The following GRIA1 variants were observed in gnomAD, a reference collection of about 807,000 sequenced individuals.
GRIA1 encodes glutamate ionotropic receptor AMPA type subunit 1, also known as glutamate receptor 1.
Under a neutral mutation model 99.2 loss-of-function variants are expected in GRIA1, and 31 were observed. That is an observed-to-expected ratio of 0.31 (90% CI 0.23 to 0.42). The LOEUF (loss-of-function observed/expected upper bound fraction) is 0.42. Among genes scored for constraint, GRIA1 ranks in the 10% least tolerant of loss-of-function variants. The probability of loss-of-function intolerance (pLI) is 1.00; values close to 1 mark genes in which losing one functional copy is unlikely to be tolerated. For missense variants in GRIA1, 782 were observed against 1,157.5 expected (o/e 0.68, Z 4.71); for synonymous variants, 438 against 432.4 (o/e 1.01, Z -0.16).
At chr5:153,549,988 C>A (rs930700447) in intron 2 of GRIA1, among the ~76,000 whole-genome samples, 4 of 152,142 alleles carry the variant, frequency 2.6e-5, no homozygotes, top group African/African-American at 9.7e-5. Flanking sequence ...TGGATCATCT[C>A]TTTAATCTCT....
At chr5:153,754,475 C>A (rs1055654052) in intron 11 of GRIA1, among the ~76,000 whole-genome samples, 6 of 152,080 alleles carry the variant, frequency 3.9e-5, no homozygotes, top group Non-Finnish European at 7.4e-5. Flanking sequence ...ACAACAACAA[C>A]AAAAAGAAAA....
intron 2 of GRIA1, among the ~76,000 whole-genome samples, chr5:153,589,667 T>C (rs1216283866): frequency 6.6e-6 from 1 of 152,168 alleles, no homozygotes; most frequent in African/African-American, 2.4e-5. Flanking sequence ...TTACTGAGTA[T>C]TGCCAGAGGT....
chr5:153,532,538 G>A, intron 2 of GRIA1, among the ~76,000 whole-genome samples: 1 of 152,116 alleles, frequency 6.6e-6, no homozygotes, highest in East Asian at 1.9e-4. Flanking sequence ...CCATTTAGTT[G>A]GAACGTGTGC....
At chr5:153,762,029 G>T (rs1450110347) in intron 11 of GRIA1, among the ~76,000 whole-genome samples, 1 of 152,180 alleles carries the variant, frequency 6.6e-6, no homozygotes, top group Non-Finnish European at 1.5e-5. Context: ...AGGGGGAGGG[G>T]TGATGGGAAG....
intron 2 of GRIA1, among the ~76,000 whole-genome samples, chr5:153,596,509 G>A (rs1285805551): frequency 1.3e-5 from 2 of 152,162 alleles, no homozygotes; most frequent in Non-Finnish European, 2.9e-5. Flanking sequence ...TTTTGCAGAT[G>A]GGGAAATGGA....
intron 8 of GRIA1, among the ~76,000 whole-genome samples, chr5:153,696,575 G>A (rs1758120800): frequency 6.6e-6 from 1 of 152,352 alleles, no homozygotes; most frequent in South Asian, 2.1e-4. Context: ...GAGATTACAG[G>A]AAAAACTATT....
intron 2 of GRIA1, among the ~76,000 whole-genome samples, chr5:153,498,083 A>C (rs999200508): frequency 2.0e-5 from 3 of 152,172 alleles, no homozygotes; most frequent in African/African-American, 7.2e-5. Context: ...TACACTGTGT[A>C]AGAACCATGG....
intron 2 of GRIA1, among the ~76,000 whole-genome samples, chr5:153,610,084 T>C (rs1765848769): frequency 6.6e-6 from 1 of 152,206 alleles, no homozygotes; most frequent in South Asian, 2.1e-4. Flanking sequence ...GAGGACAGAT[T>C]GCCAGACTGC....
At chr5:153,733,569 T>C (rs1425516681) in intron 11 of GRIA1, among the ~76,000 whole-genome samples, 1 of 152,166 alleles carries the variant, frequency 6.6e-6, no homozygotes, top group Non-Finnish European at 1.5e-5. Flanking sequence ...ATAGAGTGGC[T>C]GAATGAATAA....
At chr5:153,745,064 T>C (rs1484995069) in intron 11 of GRIA1, among the ~76,000 whole-genome samples, 1 of 152,172 alleles carries the variant, frequency 6.6e-6, no homozygotes, top group Admixed American at 6.5e-5. Flanking sequence ...GTGCTGCCAA[T>C]CATCTTGAAC....
At chr5:153,536,484 C>T (rs1758586307) in intron 2 of GRIA1, among the ~76,000 whole-genome samples, 1 of 152,172 alleles carries the variant, frequency 6.6e-6, no homozygotes, top group African/African-American at 2.4e-5. Flanking sequence ...GCTCATCTGT[C>T]CATCTCCTTT....
rs143338267 is a variant in GRIA1 at position 153,668,013 on chromosome 5, A to G, written c.700-6487A>G. Reference sequence around the variant, plus strand: ...TCAAATGCCTTTTCAACATTGTGTTACCTCCTACAGTGGATATAGAGAGGA... The same window carrying G: ...TCAAATGCCTTTTCAACATTGTGTTGCCTCCTACAGTGGATATAGAGAGGA... On this transcript the variant is annotated intron_variant, in intron 5 of 15. Coordinates refer to ENST00000285900, the MANE Select transcript of GRIA1 (RefSeq NM_000827.4). 6.1e-3 allele frequency among the ~76,000 whole-genome samples: 927 copies of G among 152,304 alleles called. 10 individuals carry two copies. Among genetic ancestry groups the G allele is most frequent in the African/African-American group, 0.021 (855 of 41,580 alleles).
chr5:153,771,026 C>G (rs1226831022), intron 13 of GRIA1, among the ~76,000 whole-genome samples: 1 of 152,140 alleles, frequency 6.6e-6, no homozygotes, highest in Non-Finnish European at 1.5e-5. Context: ...GAAAAGAAAT[C>G]CTGATATTCA....
chr5:153,740,038 C>T (rs1018788595), intron 11 of GRIA1, among the ~76,000 whole-genome samples: 1 of 152,164 alleles, frequency 6.6e-6, no homozygotes. Flanking sequence ...AATAAACTGG[C>T]AAAGCACATG....
At chr5:153,524,761 C>A (rs545006) in intron 2 of GRIA1, among the ~76,000 whole-genome samples, 10 of 151,918 alleles carry the variant, frequency 6.6e-5, no homozygotes, top group African/African-American at 1.7e-4. Context: ...GGATTTGTAC[C>A]TTCTTGGCCA....
chr5:153,533,776 A>G lies in GRIA1; in HGVS notation c.220+39711A>G, dbSNP rs559435405. Among the ~76,000 whole-genome samples, 5 of 152,366 alleles carry G rather than the reference A, an allele frequency of 3.3e-5. No homozygotes were observed. In the East Asian group the frequency reaches 9.6e-4, roughly 29 times the overall value. ...ATTTGGCTAGAAGGTTATGAGAATC[A>G]CAATAGCTGTCATATGAGTGCCGAG... On this transcript the variant is annotated intron_variant, in intron 2 of 15. Coordinates refer to ENST00000285900, the MANE Select transcript of GRIA1 (RefSeq NM_000827.4).
chr5:153,509,109 A>G (rs896936894), intron 2 of GRIA1, among the ~76,000 whole-genome samples: 3 of 152,202 alleles, frequency 2.0e-5, no homozygotes, highest in Non-Finnish European at 4.4e-5. Flanking sequence ...CTGTCTTCTA[A>G]AAGGAATTAC....
At chr5:153,592,027 C>G (rs1764018572) in intron 2 of GRIA1, among the ~76,000 whole-genome samples, 2 of 151,808 alleles carry the variant, frequency 1.3e-5, no homozygotes, top group South Asian at 4.1e-4. Flanking sequence ...GGGCTTTATT[C>G]TTTTGCCCCA....
intron 13 of GRIA1, among the ~76,000 whole-genome samples, chr5:153,778,301 T>G (rs1056332272): frequency 1.3e-5 from 2 of 151,186 alleles, no homozygotes; most frequent in African/African-American, 4.9e-5. Context: ...TTTCAGAGAG[T>G]ACCAAGAAAG....
Sources: allele counts gnomAD v4.1 joint callset (sites outside exome capture counted in the v4.1 genomes callset), GRCh38; gene constraint gnomAD v4.1.1; transcripts MANE v1.5; gene names NCBI Gene and HGNC (gene_info 2026-07-23, HGNC 2026-07-21).